Variants in JMJD1C observed in about 807,000 individuals in gnomAD.
JMJD1C encodes the protein jumonji domain containing 1C.
In JMJD1C, 31 loss-of-function variants were observed where a neutral mutation model predicts 245.3. The ratio of observed to expected loss-of-function variants is 0.13; its 90% CI spans 0.09 to 0.17. The LOEUF is 0.17. Ranked by LOEUF, JMJD1C falls within the 10% of genes least tolerant of loss-of-function variation. The pLI is 1.00. For missense variants in JMJD1C, 2,691 were observed against 3,000.2 expected, an observed-to-expected ratio of 0.90 and a Z score of 2.41; for synonymous variants, 1,057 against 1,017.4, an observed-to-expected ratio of 1.04 and a Z score of -0.74.
intron 1 of JMJD1C, among the ~76,000 whole-genome samples, chr10:63,492,809 T>C (rs992906325): frequency 6.6e-6 from 1 of 152,118 alleles, no homozygotes; most frequent in Non-Finnish European, 1.5e-5. Flanking sequence ...AATCTCAAAG[T>C]GGCAAGTTCA....
intron 2 of JMJD1C, among the ~76,000 whole-genome samples, chr10:63,313,309 TTGTG>T (rs1028275526): frequency 1.3e-5 from 2 of 152,258 alleles, no homozygotes; most frequent in African/African-American, 4.8e-5. Flanking sequence ...TAGTATTCCA[TTGTG>T]TGTGTAAGAA....
intron 1 of JMJD1C, among the ~76,000 whole-genome samples, chr10:63,403,501 C>G (rs1207273700): frequency 1.3e-5 from 2 of 152,188 alleles, no homozygotes; most frequent in Non-Finnish European, 2.9e-5. Context: ...CCTTAGTTTT[C>G]AAGTTAGTCA....
intron 1 of JMJD1C, among the ~76,000 whole-genome samples, chr10:63,512,617 T>C (rs941322225): frequency 2.6e-5 from 4 of 152,236 alleles, no homozygotes; most frequent in Non-Finnish European, 4.4e-5. Flanking sequence ...TCTTTCAAGA[T>C]GGTTTCTTTA....
intron 2 of JMJD1C, among the ~76,000 whole-genome samples, chr10:63,312,141 CTT>C (rs1370954953): frequency 1.7e-5 from 2 of 117,328 alleles, no homozygotes; most frequent in Non-Finnish European, 3.3e-5. Flanking sequence ...AAGTTTCGCT[CTT>C]GTTGCCCAGG....
chr10:63,191,829 A>AT (rs1844842859), intron 16 of JMJD1C, among the ~76,000 whole-genome samples: 1 of 151,648 alleles, frequency 6.6e-6, no homozygotes, highest in Admixed American at 6.6e-5. Flanking sequence ...TACTAAAAAT[A>AT]TAAAAATCAG....
chr10:63,414,312 A>G (rs1216174239), intron 1 of JMJD1C, among the ~76,000 whole-genome samples: 2 of 152,154 alleles, frequency 1.3e-5, no homozygotes, highest in East Asian at 1.9e-4. Flanking sequence ...AGTATTAAAC[A>G]CTAAGAAAAC....
intron 3 of JMJD1C, among the ~76,000 whole-genome samples, chr10:63,253,319 C>T (rs1484700809): frequency 6.6e-6 from 1 of 151,468 alleles, no homozygotes; most frequent in East Asian, 1.9e-4. Context: ...GACAACTTTT[C>T]AAAAAGTGGT....
rs560565349 is a variant in JMJD1C at position 63,272,857 on chromosome 10, T to C, written c.334-8093A>G. ...TCAAGTTTGTCTACACTATATGATA[T>C]AGACTTAAAAACAGCTATTTTTGCT... On this transcript the variant is annotated intron_variant, in intron 2 of 25. Coordinates refer to ENST00000399262, the MANE Select transcript of JMJD1C (RefSeq NM_032776.3). Among the ~76,000 whole-genome samples, 24 of 152,336 alleles carry C rather than the reference T, an allele frequency of 1.6e-4. No homozygotes were observed. In the East Asian group the frequency reaches 3.5e-3, roughly 22 times the overall value.
intron 2 of JMJD1C, among the ~76,000 whole-genome samples, chr10:63,302,395 G>A (rs1860209326): frequency 6.6e-6 from 1 of 152,122 alleles, no homozygotes; most frequent in Non-Finnish European, 1.5e-5. Flanking sequence ...GAATGACAGT[G>A]GCAGTCTTTC....
intron 2 of JMJD1C, among the ~76,000 whole-genome samples, chr10:63,280,363 C>T (rs1263869660): frequency 6.6e-6 from 1 of 151,982 alleles, no homozygotes; most frequent in Non-Finnish European, 1.5e-5. Flanking sequence ...TCCTGGCCAA[C>T]ATGGTGAAAC....
At chr10:63,503,970 T>C (rs1467840873) in intron 1 of JMJD1C, among the ~76,000 whole-genome samples, 1 of 152,190 alleles carries the variant, frequency 6.6e-6, no homozygotes, top group Non-Finnish European at 1.5e-5. Context: ...CAGTTTTCCC[T>C]ATTCTGCTTC....
At chr10:63,321,665 T>C (rs1413548032) in intron 2 of JMJD1C, among the ~76,000 whole-genome samples, 1 of 152,182 alleles carries the variant, frequency 6.6e-6, no homozygotes, top group Non-Finnish European at 1.5e-5. Context: ...CAAAAGTTCA[T>C]TTTTTAAATC....
chr10:63,372,792 G>A (rs1412545727), intron 2 of JMJD1C, among the ~76,000 whole-genome samples: 1 of 152,178 alleles, frequency 6.6e-6, no homozygotes, highest in African/African-American at 2.4e-5. Context: ...AAACAAATAG[G>A]TATAATACAA....
intron 3 of JMJD1C, among the ~76,000 whole-genome samples, chr10:63,246,078 T>C (rs1033205422): frequency 6.6e-6 from 1 of 151,878 alleles, no homozygotes; most frequent in African/African-American, 2.4e-5. Context: ...CTAAAAGACA[T>C]ATACAAAATT....
At chr10:63,377,030 T>C (rs911865798) in intron 2 of JMJD1C, among the ~76,000 whole-genome samples, 5 of 152,206 alleles carry the variant, frequency 3.3e-5, no homozygotes, top group South Asian at 4.1e-4. Flanking sequence ...CAACTGTCCA[T>C]TAATGGGCAA....
intron 3 of JMJD1C, among the ~76,000 whole-genome samples, chr10:63,256,206 CA>C (rs1853902589): frequency 6.6e-6 from 1 of 152,164 alleles, no homozygotes; most frequent in Admixed American, 6.5e-5. Flanking sequence ...GGCCAAATTT[CA>C]GTCAAAATAA....
In JMJD1C at chr10:63,167,982, T is replaced by A. The variant is rs1031666960; in HGVS notation, c.*63A>T. ...GAAGCTTAAAGTCAGTGTGCATACA[T>A]ATCATCATTCAAGGTTAAGTAATCC... On this transcript the variant is annotated 3_prime_UTR_variant, in exon 26 of 26. Coordinates refer to ENST00000399262, the MANE Select transcript of JMJD1C (RefSeq NM_032776.3). 9 of 945,382 alleles carry A rather than the reference T, an allele frequency of 9.5e-6. No homozygotes were observed. The highest frequency in any genetic ancestry group is 1.6e-5 in the African/African-American group (1 of 62,250). The allele number at this position is 945,382 out of a possible 1,614,324, so 58.6% of individuals were successfully genotyped here.
intron 5 of JMJD1C, among the ~76,000 whole-genome samples, chr10:63,216,905 ACT>A (rs1564627718): frequency 6.6e-6 from 1 of 152,104 alleles, no homozygotes; most frequent in Admixed American, 6.5e-5. Context: ...AAAAACTGAA[ACT>A]CTGAGAAAGA....
chr10:63,208,420 T>A lies in JMJD1C; in HGVS notation c.3249A>T (p.Ser1083=). 1.2e-6 allele frequency: 2 copies of A among 1,614,098 alleles called. No individual in the cohort carries two copies. Among genetic ancestry groups the A allele is most frequent in the Non-Finnish European group, 8.5e-7 (1 of 1,179,976 alleles). ...TACTTTGGGGTAAACTCTGAGGCAC[T>A]GAGTGCTTCATTTTATAAAGATCTG... The part of the protein sequence containing the change: ...SVSDLYKMKH[S]VPQSLPQSNY... Residue 1083 remains serine, a synonymous_variant, in exon 10 of 26, where the codon TCA becomes TCT. Coordinates refer to ENST00000399262, the MANE Select transcript of JMJD1C (RefSeq NM_032776.3).
Sources: gnomAD v4.1 joint callset for allele counts (sites outside exome capture counted in the v4.1 genomes callset) on GRCh38, gnomAD v4.1.1 for gene constraint, MANE v1.5 for transcripts, NCBI Gene and HGNC (gene_info 2026-07-23, HGNC 2026-07-21) for gene names.